GRM8: variants seen among roughly 807,000 people sequenced by gnomAD.
GRM8 encodes the protein glutamate metabotropic receptor 8, also known as metabotropic glutamate receptor 8.
In GRM8, 47 loss-of-function variants were observed where a neutral mutation model predicts 87.2. The observed-to-expected ratio is 0.54, with a 90% CI of 0.43 to 0.69. The LOEUF is 0.69. Ranked by LOEUF, GRM8 falls within the 30% of genes least tolerant of loss-of-function variation. GRM8 has a pLI of 0.00. For missense variants in GRM8, 1,019 were observed against 1,139.2 expected (o/e 0.89, Z 1.52); for synonymous variants, 396 against 404.5 (o/e 0.98, Z 0.25).
intron 7 of GRM8, among the ~76,000 whole-genome samples, chr7:126,627,921 T>C (rs188277035): frequency 4.6e-4 from 70 of 152,358 alleles, no homozygotes; most frequent in Non-Finnish European, 6.3e-4. Context: ...TTGTTTAGAA[T>C]GTTTACATTC....
chr7:126,860,364 G>T (rs1798046139), intron 6 of GRM8, among the ~76,000 whole-genome samples: 1 of 152,046 alleles, frequency 6.6e-6, no homozygotes, highest in African/African-American at 2.4e-5. Flanking sequence ...GGAAAAGTCT[G>T]CTATAGAAGC....
intron 6 of GRM8, among the ~76,000 whole-genome samples, chr7:126,861,772 T>C (rs1191507113): frequency 6.6e-6 from 1 of 152,064 alleles, no homozygotes; most frequent in African/African-American, 2.4e-5. Context: ...TACTAATTCG[T>C]TGGAGTTATA....
At chr7:126,952,825 A>G (rs1161818179) in intron 3 of GRM8, among the ~76,000 whole-genome samples, 1 of 152,138 alleles carries the variant, frequency 6.6e-6, no homozygotes, top group African/African-American at 2.4e-5. Context: ...AGAAACTGTT[A>G]CAGATTTCAG....
At chr7:127,008,481 A>G (rs1329632225) in intron 3 of GRM8, among the ~76,000 whole-genome samples, 2 of 152,132 alleles carry the variant, frequency 1.3e-5, no homozygotes, top group Non-Finnish European at 2.9e-5. Flanking sequence ...GGACCTGGGC[A>G]CTAAATTGTT....
chr7:126,943,287 C>T (rs1449062135), intron 3 of GRM8, among the ~76,000 whole-genome samples: 2 of 152,144 alleles, frequency 1.3e-5, no homozygotes, highest in African/African-American at 4.8e-5. Flanking sequence ...CAACCAGTGC[C>T]CTGGGTTTCT....
At chr7:126,626,733 C>A (rs1458225984) in intron 7 of GRM8, among the ~76,000 whole-genome samples, 1 of 152,130 alleles carries the variant, frequency 6.6e-6, no homozygotes, top group Admixed American at 6.6e-5. Context: ...AAATGTAGAA[C>A]AATCTGGCTG....
At chr7:127,152,083 G>C (rs182867485) in intron 2 of GRM8, among the ~76,000 whole-genome samples, 55 of 152,176 alleles carry the variant, frequency 3.6e-4, no homozygotes, top group African/African-American at 1.2e-3. Context: ...TTAGGGAAAA[G>C]TGAACAAAGA....
intron 7 of GRM8, among the ~76,000 whole-genome samples, chr7:126,691,363 G>A (rs1036543491): frequency 2.6e-5 from 4 of 152,202 alleles, no homozygotes; most frequent in South Asian, 2.1e-4. Flanking sequence ...CAGGCAGAGG[G>A]AGCAGGTACT....
At chr7:126,879,146 G>T (rs1799804670) in intron 6 of GRM8, among the ~76,000 whole-genome samples, 1 of 140,838 alleles carries the variant, frequency 7.1e-6, no homozygotes, top group South Asian at 2.6e-4. Flanking sequence ...CTGGGCCACA[G>T]AGTAGTGAGA....
intron 8 of GRM8, among the ~76,000 whole-genome samples, chr7:126,590,707 G>A (rs1796592282): frequency 6.6e-6 from 1 of 152,056 alleles, no homozygotes; most frequent in Non-Finnish European, 1.5e-5. Context: ...GAAGAGATTG[G>A]GGCCCTATCT....
intron 2 of GRM8, among the ~76,000 whole-genome samples, chr7:127,197,646 GA>G (rs1202985024): frequency 6.6e-6 from 1 of 151,490 alleles, no homozygotes; most frequent in Admixed American, 6.6e-5. Context: ...TCAGAGAAAG[GA>G]GTGAACAATA....
At chr7:126,742,080 C>T (rs775535191) in intron 7 of GRM8, among the ~76,000 whole-genome samples, 13 of 151,882 alleles carry the variant, frequency 8.6e-5, no homozygotes, top group Non-Finnish European at 8.8e-5. Flanking sequence ...TCAGTACAGG[C>T]GCGTTTCATA....
chr7:126,943,507 C>G (rs1467184551), intron 3 of GRM8, among the ~76,000 whole-genome samples: 2 of 152,216 alleles, frequency 1.3e-5, no homozygotes, highest in African/African-American at 4.8e-5. Flanking sequence ...AAGGCTGGCA[C>G]AAAACTTACA....
intron 6 of GRM8, among the ~76,000 whole-genome samples, chr7:126,781,461 T>C (rs1563182105): frequency 6.6e-6 from 1 of 152,208 alleles, no homozygotes; most frequent in Non-Finnish European, 1.5e-5. Flanking sequence ...TCAATCATTC[T>C]ATTTGCAAGT....
chr7:126,899,155 A>T (rs1162402151), intron 6 of GRM8, among the ~76,000 whole-genome samples: 1 of 118,644 alleles, frequency 8.4e-6, no homozygotes, highest in African/African-American at 3.1e-5. Flanking sequence ...CCATTTCATT[A>T]ACTGGGGTAT....
chr7:127,097,372 T>G (rs552641588), intron 3 of GRM8, among the ~76,000 whole-genome samples: 4 of 152,090 alleles, frequency 2.6e-5, no homozygotes, highest in Middle Eastern at 3.4e-3. Context: ...AGCCCAGAAG[T>G]GGGTGGATGG....
chr7:126,857,170 G>A (rs1194584457), intron 6 of GRM8, among the ~76,000 whole-genome samples: 1 of 152,076 alleles, frequency 6.6e-6, no homozygotes, highest in East Asian at 1.9e-4. Context: ...CAAATAATAG[G>A]GAAAATTCTG....
chr7:126,448,066 T>C (rs1250320980), intron 9 of GRM8, among the ~76,000 whole-genome samples: 1 of 151,970 alleles, frequency 6.6e-6, no homozygotes, highest in African/African-American at 2.4e-5. Flanking sequence ...GTTAATCTTT[T>C]TTGAATTCCT....
intron 3 of GRM8, among the ~76,000 whole-genome samples, chr7:127,007,895 GCATTGCCAAGCTTCTA>G (rs1261049236): frequency 2.6e-5 from 4 of 151,896 alleles, no homozygotes; most frequent in Non-Finnish European, 4.4e-5. Flanking sequence ...AATGTTCAGA[GCATTGCCAAGCTTCTA>G]CATTGCCATA....
Sources: allele counts gnomAD v4.1 joint callset (sites outside exome capture counted in the v4.1 genomes callset), GRCh38; gene constraint gnomAD v4.1.1; transcripts MANE v1.5; gene names NCBI Gene and HGNC (gene_info 2026-07-23, HGNC 2026-07-21).